THSD4: variants seen among roughly 807,000 people sequenced by gnomAD.
THSD4 encodes the protein thrombospondin type 1 domain containing 4, also known as thrombospondin type-1 domain-containing protein 4.
In THSD4, 69 loss-of-function variants were observed where a neutral mutation model predicts 119.0. The observed-to-expected ratio is 0.58, with a 90% CI of 0.48 to 0.71. The LOEUF (loss-of-function observed/expected upper bound fraction) is 0.71. THSD4 is among the 30% of genes least tolerant of loss of function. The pLI is 0.00. For synonymous variants in THSD4, 524 were observed against 540.4 expected, an observed-to-expected ratio of 0.97 and a Z score of 0.42; for missense variants, 1,393 against 1,391.1, an observed-to-expected ratio of 1.00 and a Z score of -0.02.
chr15:71,471,790 G>A (rs530285410), intron 7 of THSD4, among the ~76,000 whole-genome samples: 1 of 152,156 alleles, frequency 6.6e-6, no homozygotes, highest in Non-Finnish European at 1.5e-5. Context: ...CATCCATAGT[G>A]CTCAATCAAC....
chr15:71,559,059 C>G (rs1595884460), intron 7 of THSD4, among the ~76,000 whole-genome samples: 1 of 152,076 alleles, frequency 6.6e-6, no homozygotes, highest in Non-Finnish European at 1.5e-5. Flanking sequence ...GGTTCGGAGA[C>G]TTTTATATTT....
chr15:71,160,493 T>C (rs2043240129), intron 3 of THSD4, among the ~76,000 whole-genome samples: 1 of 152,034 alleles, frequency 6.6e-6, no homozygotes, highest in Admixed American at 6.6e-5. Flanking sequence ...TCAACTTCCT[T>C]ATATGCTATT....
intron 7 of THSD4, among the ~76,000 whole-genome samples, chr15:71,621,528 G>C (rs1209513334): frequency 2.0e-5 from 3 of 152,168 alleles, no homozygotes; most frequent in Admixed American, 1.3e-4. Flanking sequence ...GGATGACATA[G>C]TAATATTGTA....
In THSD4 at chr15:71,746,832, A is replaced by G. The variant is rs369458190; in HGVS notation, c.2037-6A>G. On this transcript the variant is annotated splice_polypyrimidine_tract_variant and splice_region_variant and intron_variant, in intron 12 of 17. Transcript: ENST00000261862. The stretch of plus-strand genomic sequence containing the variant: ...TCTCACTCTCGCTCTCTCATTCCTG[A>G]ACCAGCTGGGACATCGGGGAGTGGT... The G allele has an allele frequency of 8.9e-5, 143 of 1,613,440 alleles. No homozygotes were observed. In the African/African-American group the frequency reaches 1.7e-3, roughly 19 times the overall value.
chr15:71,765,659 T>C (rs185495076), intron 16 of THSD4, among the ~76,000 whole-genome samples: 1 of 152,220 alleles, frequency 6.6e-6, no homozygotes, highest in East Asian at 1.9e-4. Context: ...TCCCAATACT[T>C]TGGGAGGCCA....
chr15:71,308,370 A>G (rs1232050520), intron 6 of THSD4, among the ~76,000 whole-genome samples: 1 of 152,238 alleles, frequency 6.6e-6, no homozygotes, highest in Non-Finnish European at 1.5e-5. Flanking sequence ...AAGTCAAATA[A>G]CAGGTTCTTC....
chr15:71,334,221 T>C (rs548068143), intron 6 of THSD4, among the ~76,000 whole-genome samples: 1 of 152,340 alleles, frequency 6.6e-6, no homozygotes, highest in African/African-American at 2.4e-5. Context: ...CCAAGGCATA[T>C]TTTTGTGGAT....
At chr15:71,163,056 G>C (rs2141392080) in intron 3 of THSD4, among the ~76,000 whole-genome samples, 1 of 151,810 alleles carries the variant, frequency 6.6e-6, no homozygotes, top group South Asian at 2.1e-4. Flanking sequence ...TGACTTGTTT[G>C]TCTGTGTTCT....
chr15:71,601,483 T>C (rs1327321415), intron 7 of THSD4, among the ~76,000 whole-genome samples: 1 of 152,246 alleles, frequency 6.6e-6, no homozygotes, highest in Non-Finnish European at 1.5e-5. Flanking sequence ...TGCAAGGCAC[T>C]GTCATGGGCC....
chr15:71,117,171 CAT>C (rs1235157568), intron 1 of THSD4, among the ~76,000 whole-genome samples: 1 of 152,144 alleles, frequency 6.6e-6, no homozygotes, highest in Non-Finnish European at 1.5e-5. Flanking sequence ...CAGTGGAACT[CAT>C]GTGATCTCCT....
chr15:71,666,948 A>G (rs746025759), intron 8 of THSD4, among the ~76,000 whole-genome samples: 3 of 152,214 alleles, frequency 2.0e-5, no homozygotes, highest in Non-Finnish European at 2.9e-5. Context: ...GAAGAGGCCA[A>G]CTCACCACAA....
At chr15:71,453,247 C>T (rs988044848) in intron 7 of THSD4, among the ~76,000 whole-genome samples, 2 of 152,198 alleles carry the variant, frequency 1.3e-5, no homozygotes, top group Non-Finnish European at 2.9e-5. Context: ...AAGACATTGC[C>T]TCATGCCGTA....
intron 7 of THSD4, among the ~76,000 whole-genome samples, chr15:71,641,382 C>A (rs904195394): frequency 6.6e-6 from 1 of 151,768 alleles, no homozygotes; most frequent in African/African-American, 2.4e-5. Context: ...TGCCTGTCTT[C>A]TTTTCTTCTT....
intron 1 of THSD4, among the ~76,000 whole-genome samples, chr15:71,133,937 G>A (rs188665661): frequency 6.6e-6 from 1 of 152,330 alleles, no homozygotes; most frequent in East Asian, 1.9e-4. Context: ...TGAGGACGGA[G>A]AAGCACGGTG....
chr15:71,753,866 G>T (rs1458297376), intron 14 of THSD4, among the ~76,000 whole-genome samples: 1 of 152,180 alleles, frequency 6.6e-6, no homozygotes. Flanking sequence ...CCTCATCCAT[G>T]TGATGTCCTC....
chr15:71,157,376 A>G (rs2040788908), intron 3 of THSD4, among the ~76,000 whole-genome samples: 1 of 152,202 alleles, frequency 6.6e-6, no homozygotes, highest in African/African-American at 2.4e-5. Flanking sequence ...TGGTATTTTA[A>G]TACATATGTA....
intron 6 of THSD4, among the ~76,000 whole-genome samples, chr15:71,272,635 G>C (rs1400030517): frequency 3.9e-5 from 6 of 152,042 alleles, no homozygotes; most frequent in African/African-American, 1.4e-4. Context: ...GCCGAGGCAG[G>C]CAGATCACTT....
chr15:71,238,090 T>TA (rs2044121196), intron 4 of THSD4, among the ~76,000 whole-genome samples: 1 of 152,034 alleles, frequency 6.6e-6, no homozygotes, highest in Non-Finnish European at 1.5e-5. Context: ...TCCATGTACT[T>TA]ACGTTGTCAG....
chr15:71,199,738 A>AGTGTGTGTGG (rs2043770139), intron 3 of THSD4, among the ~76,000 whole-genome samples: 2 of 21,022 alleles, frequency 9.5e-5, no homozygotes, highest in East Asian at 3.5e-3. Context: ...GTGTGTGTGT[A>AGTGTGTGTGG]GTGTGTGTGG....
Sources: allele counts gnomAD v4.1 joint callset (sites outside exome capture counted in the v4.1 genomes callset), GRCh38; gene constraint gnomAD v4.1.1; transcripts MANE v1.5; gene names NCBI Gene and HGNC (gene_info 2026-07-23, HGNC 2026-07-21).